AK9: variants seen among roughly 807,000 people sequenced by gnomAD.
AK9 encodes the protein adenylate kinase domain containing 1.
AK9 carries 191 observed loss-of-function variants against 239.6 expected under a neutral mutation model. The ratio of observed to expected loss-of-function variants is 0.80; its 90% CI spans 0.71 to 0.90. The LOEUF (loss-of-function observed/expected upper bound fraction) is 0.90, where lower values mean the gene tolerates loss of function less well. Ranked by LOEUF, AK9 falls within the 40% of genes least tolerant of loss-of-function variation. AK9 has a pLI of 0.00. For synonymous variants in AK9, 689 were observed against 721.0 expected, an observed-to-expected ratio of 0.96 and a Z score of 0.71; for missense variants, 1,995 against 2,214.7, an observed-to-expected ratio of 0.90 and a Z score of 1.99.
intron 35 of AK9, among the ~76,000 whole-genome samples, chr6:109,502,246 C>T (rs750918049): frequency 5.3e-5 from 8 of 152,150 alleles, no homozygotes; most frequent in Non-Finnish European, 1.0e-4. Flanking sequence ...GCCTGAATTA[C>T]GTTTCCCAAA....
intron 15 of AK9, 39 bp from the exon 16 acceptor site, chr6:109,612,132 TA>T (rs750923451): frequency 7.7e-5 from 103 of 1,344,508 alleles, no homozygotes; most frequent in Middle Eastern, 3.6e-4. Context: ...AGAACGGTAT[TA>T]AAAAAAATGT....
Position 109,580,902 on chromosome 6 carries a change from TG to T in AK9, c.2115-1277del, listed in dbSNP as rs780205334. Among the ~76,000 whole-genome samples the T allele has an allele frequency of 3.4e-3, 345 of 101,718 alleles. 1 individual carries two copies. Among genetic ancestry groups the T allele is most frequent in the South Asian group, 8.3e-3 (14 of 1,678 alleles). 66.7% of individuals were successfully genotyped at this position (101,718 alleles called of 152,430 possible). ...GCTTCATTGCGCTTTACAGATATCG[TG>T]GTTTTTTTTTGTGTTTTTTTGTTTT... is the stretch of plus-strand genomic sequence containing the variant. On this transcript the variant is annotated intron_variant, in intron 19 of 40. Transcript: ENST00000424296.
intron 8 of AK9, among the ~76,000 whole-genome samples, chr6:109,646,286 CAA>C (rs2128294383): frequency 6.6e-6 from 1 of 152,230 alleles, no homozygotes; most frequent in South Asian, 2.1e-4. Flanking sequence ...TCGGTAATAA[CAA>C]ACTTCTCTGA....
In AK9 at chr6:109,509,327, C is replaced by G; in HGVS notation, c.4333G>C (p.Ala1445Pro). 1 of 1,551,720 alleles carries G rather than the reference C, an allele frequency of 6.4e-7. No individual in the cohort carries two copies. Among genetic ancestry groups the G allele is most frequent in the Non-Finnish European group, 8.7e-7 (1 of 1,146,994 alleles). ...YGLKHLSIGG[A>P]LRYVLNNHPE... ...TGATTGTTTAGTACATAACGCAAAG[C>G]TCCTCCTATTGATAAATGCTTTAAC... The change falls in exon 33 of 41, where the codon GCT (alanine) becomes CCT (proline). Residue 1445 changes from alanine (A) to proline (P), a missense_variant. Ala to Pro is a conservative substitution (Grantham distance 27). Coordinates refer to ENST00000424296, the MANE Select transcript of AK9 (RefSeq NM_001145128.3).
chr6:109,609,843 T>C (rs1220200506), intron 17 of AK9, among the ~76,000 whole-genome samples: 1 of 152,234 alleles, frequency 6.6e-6, no homozygotes, highest in East Asian at 1.9e-4. Context: ...CTGTTCTTTA[T>C]AAACAAACAG....
chr6:109,564,668 C>T, intron 22 of AK9, 88 bp downstream of exon 22: 1 of 937,796 alleles, frequency 1.1e-6, no homozygotes, highest in Non-Finnish European at 1.6e-6. Context: ...AAGTATGACG[C>T]ACCTACTATG....
intron 5 of AK9, among the ~76,000 whole-genome samples, chr6:109,665,647 T>C (rs1331957757): frequency 2.0e-5 from 3 of 152,216 alleles, no homozygotes; most frequent in African/African-American, 7.2e-5. Context: ...CACATTGTGA[T>C]GGTAGGTACT....
intron 27 of AK9, among the ~76,000 whole-genome samples, chr6:109,536,014 T>C (rs1455724741): frequency 6.6e-6 from 1 of 152,208 alleles, no homozygotes; most frequent in East Asian, 1.9e-4. Context: ...TGTAGCCTTG[T>C]AGTATAGTTT....
At chr6:109,637,618 A>AAATT (rs1796886752) in intron 10 of AK9, among the ~76,000 whole-genome samples, 1 of 152,146 alleles carries the variant, frequency 6.6e-6, no homozygotes, top group Non-Finnish European at 1.5e-5. Flanking sequence ...CCTACCCTAG[A>AAATT]AATTCTGTTT....
intron 13 of AK9, among the ~76,000 whole-genome samples, chr6:109,617,331 C>T (rs1399696580): frequency 6.6e-6 from 1 of 152,016 alleles, no homozygotes; most frequent in Non-Finnish European, 1.5e-5. Flanking sequence ...GCACCCATTT[C>T]ATGGAACAAA....
At chr6:109,493,872 T>G in intron 40 of AK9, 109 bp downstream of exon 40, 1 of 816,196 alleles carries the variant, frequency 1.2e-6, no homozygotes, top group Non-Finnish European at 1.9e-6. Context: ...TAACACTCTC[T>G]CTTTCTCTCT....
intron 5 of AK9, among the ~76,000 whole-genome samples, chr6:109,663,837 C>A (rs1238605008): frequency 6.6e-6 from 1 of 152,212 alleles, no homozygotes; most frequent in Non-Finnish European, 1.5e-5. Context: ...AAACTTCCAC[C>A]TGTTGGGTTT....
chr6:109,641,441 T>C (rs770460862), intron 10 of AK9, 77 bp downstream of exon 10: 55 of 1,148,452 alleles, frequency 4.8e-5, no homozygotes, highest in African/African-American at 6.2e-5. Flanking sequence ...TCCCATGGGA[T>C]TACAGGTGTG....
intron 27 of AK9, among the ~76,000 whole-genome samples, chr6:109,536,759 T>C (rs1782052865): frequency 6.6e-6 from 1 of 152,204 alleles, no homozygotes; most frequent in South Asian, 2.1e-4. Flanking sequence ...ATAGCTCTTA[T>C]TATTTTGAGA....
At chr6:109,579,355 A>G (rs1788525747) in intron 20 of AK9, 195 bp downstream of exon 20, 1 of 520,906 alleles carries the variant, frequency 1.9e-6, no homozygotes, top group Non-Finnish European at 3.4e-6. Flanking sequence ...CAGTAACAAT[A>G]TTATTTAGTA....
chr6:109,659,789 G>A (rs1800185972), intron 6 of AK9, among the ~76,000 whole-genome samples: 1 of 151,936 alleles, frequency 6.6e-6, no homozygotes. Context: ...AAAATGGGGG[G>A]AATAGCCACA....
At chr6:109,526,902 C>T (rs894385419) in intron 29 of AK9, among the ~76,000 whole-genome samples, 5 of 152,186 alleles carry the variant, frequency 3.3e-5, no homozygotes, top group Non-Finnish European at 7.3e-5. Flanking sequence ...ATGGTTTTGG[C>T]TTGGTACTTG....
intron 7 of AK9, among the ~76,000 whole-genome samples, chr6:109,657,963 G>C (rs536457887): frequency 1.6e-4 from 24 of 152,162 alleles, no homozygotes; most frequent in African/African-American, 5.5e-4. Flanking sequence ...TATTTGACTT[G>C]AGCCATATTC....
At chr6:109,510,191 A>G (rs1184103995) in intron 32 of AK9, among the ~76,000 whole-genome samples, 2 of 152,102 alleles carry the variant, frequency 1.3e-5, no homozygotes, top group South Asian at 2.1e-4. Context: ...AGGGCCACCC[A>G]TGGACCAATC....
Sources: gnomAD v4.1 joint callset for allele counts (sites outside exome capture counted in the v4.1 genomes callset) on GRCh38, gnomAD v4.1.1 for gene constraint, MANE v1.5 for transcripts, NCBI Gene and HGNC (gene_info 2026-07-23, HGNC 2026-07-21) for gene names.